Variants in PCCA observed in about 807,000 individuals in gnomAD.
PCCA encodes the protein propionyl-CoA carboxylase subunit alpha.
Under a neutral mutation model 101.3 loss-of-function variants are expected in PCCA, and 74 were observed. The ratio of observed to expected loss-of-function variants is 0.73; its 90% confidence interval spans 0.61 to 0.89. The LOEUF is 0.89. Ranked by LOEUF, PCCA falls within the 40% of genes least tolerant of loss-of-function variation. PCCA has a pLI of 0.00. For synonymous variants in PCCA, 294 were observed against 313.6 expected (o/e 0.94, Z 0.66); for missense variants, 891 against 907.0 (o/e 0.98, Z 0.23).
intron 12 of PCCA, among the ~76,000 whole-genome samples, chr13:100,294,194 C>T (rs1270554912): frequency 6.6e-6 from 1 of 152,110 alleles, no homozygotes. Context: ...TCCTGATCTT[C>T]TCTTATGAGG....
chr13:100,289,827 T>G (rs1015894492), intron 12 of PCCA, among the ~76,000 whole-genome samples: 10 of 152,224 alleles, frequency 6.6e-5, no homozygotes, highest in Non-Finnish European at 1.2e-4. Flanking sequence ...TTTTAGCTTT[T>G]TTTTAGCTCC....
intron 19 of PCCA, among the ~76,000 whole-genome samples, chr13:100,372,845 T>G (rs1454116598): frequency 6.6e-6 from 1 of 152,212 alleles, no homozygotes; most frequent in Non-Finnish European, 1.5e-5. Context: ...GTTCAAGTGA[T>G]TCTTCTGCCT....
At chr13:100,431,161 A>T (rs1213542074) in intron 20 of PCCA, among the ~76,000 whole-genome samples, 1 of 152,084 alleles carries the variant, frequency 6.6e-6, no homozygotes, top group Non-Finnish European at 1.5e-5. Flanking sequence ...ATGGCATCTC[A>T]TTATGGTTTT....
intron 21 of PCCA, among the ~76,000 whole-genome samples, chr13:100,465,718 T>C (rs374882585): frequency 1.4e-4 from 22 of 152,318 alleles, no homozygotes; most frequent in East Asian, 1.2e-3. Flanking sequence ...TCTCCAGATA[T>C]AACAACTAAA....
chr13:100,272,730 C>T (rs1170013237), intron 11 of PCCA, among the ~76,000 whole-genome samples: 1 of 152,102 alleles, frequency 6.6e-6, no homozygotes, highest in East Asian at 1.9e-4. Context: ...TCACAAAGGA[C>T]CATGAAAGCG....
At chr13:100,396,822 C>A (rs2077065723) in intron 19 of PCCA, among the ~76,000 whole-genome samples, 2 of 152,118 alleles carry the variant, frequency 1.3e-5, no homozygotes, top group Non-Finnish European at 2.9e-5. Flanking sequence ...ATCATCGTGT[C>A]TTGGTGATTC....
chr13:100,143,537 C>CAAAAAAA (rs1308856198), intron 4 of PCCA, among the ~76,000 whole-genome samples: 1 of 60,414 alleles, frequency 1.7e-5, no homozygotes, highest in Non-Finnish European at 3.8e-5. Context: ...TCTGCATCCA[C>CAAAAAAA]AAAAAAAAAA....
intron 21 of PCCA, among the ~76,000 whole-genome samples, chr13:100,492,548 A>G (rs1276129554): frequency 3.3e-5 from 5 of 151,810 alleles, no homozygotes; most frequent in African/African-American, 1.2e-4. Context: ...CCATCTTGAT[A>G]TGGACAGGAG....
chr13:100,456,914 A>G (rs1566359100), intron 21 of PCCA, among the ~76,000 whole-genome samples: 1 of 152,074 alleles, frequency 6.6e-6, no homozygotes, highest in African/African-American at 2.4e-5. Context: ...CTGGTGGAGC[A>G]GAGTGTTCCC....
intron 21 of PCCA, among the ~76,000 whole-genome samples, chr13:100,478,931 G>A (rs942325978): frequency 1.3e-5 from 2 of 152,164 alleles, no homozygotes; most frequent in African/African-American, 2.4e-5. Flanking sequence ...TCTCTGCACA[G>A]GGTTCAGAGG....
chr13:100,179,715 G>A (rs1280309347), intron 6 of PCCA, among the ~76,000 whole-genome samples: 2 of 151,814 alleles, frequency 1.3e-5, no homozygotes, highest in East Asian at 3.9e-4. Context: ...TCCCACAATG[G>A]TTTATTTTCC....
intron 14 of PCCA, among the ~76,000 whole-genome samples, chr13:100,306,072 C>T (rs2066421156): frequency 6.6e-6 from 1 of 152,158 alleles, no homozygotes; most frequent in African/African-American, 2.4e-5. Flanking sequence ...TCATTATACC[C>T]TCATGTGGAT....
chr13:100,445,725 T>C (rs2080777733), intron 20 of PCCA, among the ~76,000 whole-genome samples: 1 of 150,844 alleles, frequency 6.6e-6, no homozygotes, highest in African/African-American at 2.5e-5. Flanking sequence ...GGTTCATCCA[T>C]GTTGTTGCAA....
At chr13:100,143,383 A>T (rs1594338615) in intron 4 of PCCA, among the ~76,000 whole-genome samples, 1 of 151,782 alleles carries the variant, frequency 6.6e-6, no homozygotes, top group South Asian at 2.1e-4. Context: ...ATACAAAAAA[A>T]AATTAGCTAG....
intron 12 of PCCA, among the ~76,000 whole-genome samples, chr13:100,284,576 A>C (rs2064434799): frequency 6.6e-6 from 1 of 152,264 alleles, no homozygotes; most frequent in Admixed American, 6.5e-5. Flanking sequence ...CTAGGAGTAC[A>C]AAAACTGAAC....
At chr13:100,236,855 AT>A (rs1398943501) in intron 8 of PCCA, 2 of 152,234 alleles carry the variant, frequency 1.3e-5, no homozygotes, top group African/African-American at 2.4e-5. Context: ...ATGCTATTAT[AT>A]GGATTAACAA....
chr13:100,380,719 C>T (rs1260748280), intron 19 of PCCA, among the ~76,000 whole-genome samples: 2 of 151,956 alleles, frequency 1.3e-5, no homozygotes, highest in Non-Finnish European at 1.5e-5. Flanking sequence ...ATATAAGAGG[C>T]AAAACATCTT....
intron 4 of PCCA, among the ~76,000 whole-genome samples, chr13:100,133,710 G>T (rs914616279): frequency 6.6e-6 from 1 of 152,184 alleles, no homozygotes; most frequent in African/African-American, 2.4e-5. Context: ...AGTATTGTGT[G>T]TCTGCAAGGG....
chr13:100,387,439 G>A (rs1210263891), intron 19 of PCCA, among the ~76,000 whole-genome samples: 1 of 152,188 alleles, frequency 6.6e-6, no homozygotes, highest in African/African-American at 2.4e-5. Context: ...AGAGCTCATA[G>A]TAATTTCACT....
Sources: allele counts gnomAD v4.1 joint callset (sites outside exome capture counted in the v4.1 genomes callset), GRCh38; gene constraint gnomAD v4.1.1; transcripts MANE v1.5; gene names NCBI Gene and HGNC (gene_info 2026-07-23, HGNC 2026-07-21).